The following RHOJ variants were observed in gnomAD, a reference collection of about 807,000 sequenced individuals.
RHOJ encodes rho-related GTP-binding protein RhoJ.
In RHOJ, 11 loss-of-function variants were observed where a neutral mutation model predicts 23.4. That is an observed-to-expected ratio of 0.47 (90% CI 0.30 to 0.78). RHOJ has a LOEUF of 0.78. RHOJ is among the 30% of genes least tolerant of loss of function. The pLI, the probability that RHOJ is intolerant of heterozygous loss-of-function variation, is 0.08. For synonymous variants in RHOJ, 102 were observed against 102.7 expected, an observed-to-expected ratio of 0.99 and a Z score of 0.04; for missense variants, 254 against 273.4, an observed-to-expected ratio of 0.93 and a Z score of 0.50.
intron 1 of RHOJ, among the ~76,000 whole-genome samples, chr14:63,216,985 A>G (rs1449541299): frequency 6.6e-6 from 1 of 152,164 alleles, no homozygotes; most frequent in Non-Finnish European, 1.5e-5. Context: ...CAAGACCTAG[A>G]AAATTCTCAT....
chr14:63,219,680 C>A (rs886774198), intron 1 of RHOJ, among the ~76,000 whole-genome samples: 1 of 152,060 alleles, frequency 6.6e-6, no homozygotes, highest in African/African-American at 2.4e-5. Flanking sequence ...GCTGTGTGTG[C>A]TGGCGCATGC....
At chr14:63,266,020 T>C (rs971185355) in intron 1 of RHOJ, among the ~76,000 whole-genome samples, 2 of 152,072 alleles carry the variant, frequency 1.3e-5, no homozygotes, top group Non-Finnish European at 2.9e-5. Flanking sequence ...ACGGTAAGCG[T>C]CTCTTGTCAG....
At chr14:63,244,211 T>C (rs993302189) in intron 1 of RHOJ, among the ~76,000 whole-genome samples, 3 of 152,148 alleles carry the variant, frequency 2.0e-5, no homozygotes, top group African/African-American at 7.2e-5. Flanking sequence ...AGGCAATAAA[T>C]TTTAGCTGCT....
intron 1 of RHOJ, among the ~76,000 whole-genome samples, chr14:63,214,447 A>G (rs1350372265): frequency 2.0e-5 from 3 of 152,232 alleles, no homozygotes; most frequent in African/African-American, 7.2e-5. Context: ...ACCATCCATC[A>G]GTAAAAAGCA....
chr14:63,243,117 G>C (rs1894913518), intron 1 of RHOJ, among the ~76,000 whole-genome samples: 1 of 152,102 alleles, frequency 6.6e-6, no homozygotes, highest in Non-Finnish European at 1.5e-5. Flanking sequence ...AAATTTCAAA[G>C]GGAAAAAAGT....
intron 1 of RHOJ, among the ~76,000 whole-genome samples, chr14:63,221,770 G>A (rs758178612): frequency 7.5e-4 from 114 of 152,300 alleles, no homozygotes; most frequent in Admixed American, 1.1e-3. Flanking sequence ...CATAATGGGC[G>A]CAGCCTGGTG....
intron 1 of RHOJ, among the ~76,000 whole-genome samples, chr14:63,208,919 C>T (rs920355071): frequency 1.3e-5 from 2 of 152,186 alleles, no homozygotes; most frequent in Non-Finnish European, 2.9e-5. Context: ...CTTCCCCAAG[C>T]TACTCTTCCC....
At chr14:63,259,239 C>T (rs1895232236) in intron 1 of RHOJ, among the ~76,000 whole-genome samples, 1 of 152,138 alleles carries the variant, frequency 6.6e-6, no homozygotes, top group African/African-American at 2.4e-5. Flanking sequence ...TTAATTGTAC[C>T]TTACCTAAAA....
At chr14:63,257,554 C>T (rs189796664) in intron 1 of RHOJ, among the ~76,000 whole-genome samples, 14 of 150,280 alleles carry the variant, frequency 9.3e-5, no homozygotes, top group Non-Finnish European at 1.0e-4. Context: ...CCTAGGAAAC[C>T]AGACTGAACC....
In RHOJ at chr14:63,204,835, A is replaced by T; in HGVS notation, c.-35A>T. The T allele has an allele frequency of 1.9e-6, 3 of 1,585,758 alleles. No homozygotes were observed. In the South Asian group the frequency reaches 3.4e-5, roughly 18 times the overall value. ...CTTTGGAAAAAGCAGGAGAAGCAATAGCAGCAGGAGTCCCCAGCAGCTGGA... is the reference window on the plus strand; with the variant it reads ...CTTTGGAAAAAGCAGGAGAAGCAATTGCAGCAGGAGTCCCCAGCAGCTGGA... On this transcript the variant is annotated 5_prime_UTR_variant, in exon 1 of 5. Transcript: ENST00000316754.
intron 3 of RHOJ, 55 bp from the exon 4 acceptor site, chr14:63,283,066 A>G: frequency 7.1e-7 from 1 of 1,400,956 alleles, no homozygotes; most frequent in East Asian, 2.3e-5. Context: ...ACAGTTTAAA[A>G]TATCTGGCAA....
At chr14:63,207,036 T>TTTTC (rs1491370185) in intron 1 of RHOJ, among the ~76,000 whole-genome samples, 7 of 94,336 alleles carry the variant, frequency 7.4e-5, no homozygotes, top group African/African-American at 4.2e-4. Context: ...TTTTCTTTTC[T>TTTTC]TTTTTTTTTT....
At chr14:63,205,330 T>C (rs1894086186) in intron 1 of RHOJ, among the ~76,000 whole-genome samples, 1 of 152,184 alleles carries the variant, frequency 6.6e-6, no homozygotes, top group African/African-American at 2.4e-5. Context: ...ACTCAACATT[T>C]GCCTCAACAT....
intron 1 of RHOJ, among the ~76,000 whole-genome samples, chr14:63,252,127 G>A (rs1055345879): frequency 6.6e-6 from 1 of 152,100 alleles, no homozygotes; most frequent in African/African-American, 2.4e-5. Context: ...TGTTTCACTA[G>A]ACTCAAATCA....
intron 1 of RHOJ, among the ~76,000 whole-genome samples, chr14:63,228,518 AT>A (rs1415527121): frequency 6.6e-6 from 1 of 152,220 alleles, no homozygotes; most frequent in Non-Finnish European, 1.5e-5. Context: ...ATTGTTAAGA[AT>A]AATGAGGAAG....
intron 1 of RHOJ, among the ~76,000 whole-genome samples, chr14:63,238,437 G>C (rs920759485): frequency 8.3e-5 from 12 of 143,796 alleles, no homozygotes; most frequent in Admixed American, 3.3e-4. Flanking sequence ...TATTTTTTTA[G>C]ACAGGGTCTG....
intron 1 of RHOJ, among the ~76,000 whole-genome samples, chr14:63,247,726 A>G (rs1895000766): frequency 1.3e-5 from 2 of 152,164 alleles, no homozygotes; most frequent in African/African-American, 2.4e-5. Flanking sequence ...AATAAGATAA[A>G]TTCCTCATAT....
In RHOJ at chr14:63,288,804, C is replaced by G. The variant is rs529835892; in HGVS notation, c.499-2074C>G. Among the ~76,000 whole-genome samples, 6 of 152,224 alleles carry G rather than the reference C, an allele frequency of 3.9e-5. No homozygotes were observed. In the South Asian group the frequency reaches 1.2e-3, roughly 32 times the overall value. ...AAAATGAAAAATGCATAATCTCTGTCGGAGAGTTTAGGAAATAGTGTCTGG... is the reference window on the plus strand; with the variant it reads ...AAAATGAAAAATGCATAATCTCTGTGGGAGAGTTTAGGAAATAGTGTCTGG... On this transcript the variant is annotated intron_variant, in intron 4 of 4. Transcript: ENST00000316754.
At chr14:63,219,337 G>A (rs1594753018) in intron 1 of RHOJ, among the ~76,000 whole-genome samples, 1 of 152,016 alleles carries the variant, frequency 6.6e-6, no homozygotes, top group East Asian at 1.9e-4. Flanking sequence ...ATGGGGACCA[G>A]CAACCTTTAA....
Sources: allele counts gnomAD v4.1 joint callset (sites outside exome capture counted in the v4.1 genomes callset), GRCh38; gene constraint gnomAD v4.1.1; transcripts MANE v1.5; gene names NCBI Gene and HGNC (gene_info 2026-07-23, HGNC 2026-07-21).